Variants in ICA1 observed in about 807,000 individuals in gnomAD.
The protein encoded by ICA1 is islet cell autoantigen 1.
Under a neutral mutation model 71.0 loss-of-function variants are expected in ICA1, and 40 were observed. The ratio of observed to expected loss-of-function variants is 0.56; its 90% CI spans 0.44 to 0.73. ICA1 has a LOEUF of 0.73. ICA1 is among the 30% of genes least tolerant of loss of function. The probability of loss-of-function intolerance (pLI) is 0.00; values close to 1 mark genes in which losing one functional copy is unlikely to be tolerated. For missense variants in ICA1, 578 were observed against 576.5 expected (o/e 1.00, Z -0.03); for synonymous variants, 207 against 209.5 (o/e 0.99, Z 0.10).
Position 8,218,301 on chromosome 7 carries a change from C to A in ICA1, c.579+4G>T. 1.9e-6 allele frequency: 3 copies of A among 1,614,000 alleles called. No individual in the cohort carries two copies. The highest frequency in any genetic ancestry group is 2.5e-6 in the Non-Finnish European group (3 of 1,179,870). On this transcript the variant is annotated splice_donor_region_variant and intron_variant, in intron 6 of 13. Coordinates refer to ENST00000402384, the MANE Select transcript of ICA1 (RefSeq NM_001136020.3). ...CTTCTGCTAACCCTCATAAAACCTCCTACCTTCCTGAACTTCTCCATTTGC... is the reference window on the plus strand; with the variant it reads ...CTTCTGCTAACCCTCATAAAACCTCATACCTTCCTGAACTTCTCCATTTGC...
chr7:8,118,996 A>T (rs11505356), intron 13 of ICA1, among the ~76,000 whole-genome samples: 1 of 152,194 alleles, frequency 6.6e-6, no homozygotes, highest in African/African-American at 2.4e-5. Context: ...TGTAAGTAAA[A>T]GTTTGGGAAG....
At chr7:8,120,010 T>A (rs890937872) in intron 13 of ICA1, among the ~76,000 whole-genome samples, 1 of 152,190 alleles carries the variant, frequency 6.6e-6, no homozygotes, top group Non-Finnish European at 1.5e-5. Flanking sequence ...AAAACACTCA[T>A]GAACCATACA....
intron 6 of ICA1, among the ~76,000 whole-genome samples, chr7:8,187,770 A>T (rs1784349990): frequency 6.6e-6 from 1 of 152,084 alleles, no homozygotes; most frequent in South Asian, 2.1e-4. Flanking sequence ...TCACTTTTTA[A>T]ACTTCTTTGT....
At chr7:8,118,046 T>C (rs1290199301) in intron 13 of ICA1, among the ~76,000 whole-genome samples, 2 of 152,208 alleles carry the variant, frequency 1.3e-5, no homozygotes, top group Non-Finnish European at 2.9e-5. Flanking sequence ...TATATGACTA[T>C]TGCATTAACA....
intron 6 of ICA1, among the ~76,000 whole-genome samples, chr7:8,193,231 G>A (rs7778120): frequency 8.3e-4 from 126 of 152,286 alleles, no homozygotes; most frequent in African/African-American, 3.0e-3. Context: ...AGCTACATTA[G>A]TTTACATATA....
At chr7:8,218,815 G>A (rs1796176879) in intron 5 of ICA1, 1 of 411,784 alleles carries the variant, frequency 2.4e-6, no homozygotes, top group Admixed American at 3.7e-5. Context: ...GGCCAATCCC[G>A]TGTTCATGGA....
At chr7:8,133,763 T>G (rs1460778038) in intron 12 of ICA1, among the ~76,000 whole-genome samples, 1 of 151,998 alleles carries the variant, frequency 6.6e-6, no homozygotes, top group Non-Finnish European at 1.5e-5. Flanking sequence ...AAGCCTTCAT[T>G]CAATTTGGCA....
chr7:8,172,669 T>A (rs1459782560), intron 6 of ICA1, among the ~76,000 whole-genome samples: 2 of 152,216 alleles, frequency 1.3e-5, no homozygotes, highest in East Asian at 3.8e-4. Context: ...TTTTTCTAAG[T>A]TGCTTATAAA....
intron 6 of ICA1, among the ~76,000 whole-genome samples, chr7:8,203,136 C>T (rs1021610439): frequency 9.2e-5 from 14 of 152,106 alleles, no homozygotes; most frequent in Admixed American, 3.3e-4. Context: ...GAAGAGATTT[C>T]GTTAGAAAGG....
chr7:8,154,387 C>A (rs1026478248), intron 8 of ICA1, among the ~76,000 whole-genome samples: 1 of 152,182 alleles, frequency 6.6e-6, no homozygotes, highest in African/African-American at 2.4e-5. Context: ...GTGTTTAACA[C>A]ATTAATTATC....
chr7:8,241,590 A>C (rs1369798899), intron 1 of ICA1, among the ~76,000 whole-genome samples: 4 of 152,144 alleles, frequency 2.6e-5, no homozygotes, highest in Admixed American at 6.5e-5. Flanking sequence ...TAAATGGGCT[A>C]AATGCCCCAA....
intron 2 of ICA1, 139 bp from the exon 3 acceptor site, chr7:8,232,894 A>G: frequency 1.4e-6 from 1 of 690,400 alleles, no homozygotes; most frequent in Non-Finnish European, 2.2e-6. Context: ...GCACTTTCTT[A>G]TCTGGGTGTT....
At chr7:8,169,373 A>C (rs1807417552) in intron 6 of ICA1, among the ~76,000 whole-genome samples, 1 of 152,084 alleles carries the variant, frequency 6.6e-6, no homozygotes, top group Non-Finnish European at 1.5e-5. Flanking sequence ...TCTTTGGTAA[A>C]TGTCTAAGGG....
intron 13 of ICA1, 47 bp from the exon 14 acceptor site, chr7:8,114,091 C>G: frequency 6.2e-7 from 1 of 1,611,746 alleles, no homozygotes; most frequent in Non-Finnish European, 8.5e-7. Flanking sequence ...TCCAAATGTC[C>G]ACCTCTGCCA....
At chr7:8,238,833 T>G (rs1475718711) in intron 1 of ICA1, among the ~76,000 whole-genome samples, 1 of 152,186 alleles carries the variant, frequency 6.6e-6, no homozygotes. Context: ...TAACAGCCAC[T>G]TGCATTGAAA....
At chr7:8,212,107 T>G (rs1326832412) in intron 6 of ICA1, among the ~76,000 whole-genome samples, 4 of 152,140 alleles carry the variant, frequency 2.6e-5, no homozygotes, top group Non-Finnish European at 5.9e-5. Context: ...ACATTCTTAT[T>G]TTTTTCCAGA....
At chr7:8,204,066 A>AC (rs1361848468) in intron 6 of ICA1, among the ~76,000 whole-genome samples, 1 of 138,186 alleles carries the variant, frequency 7.2e-6, no homozygotes, top group African/African-American at 3.2e-5. Flanking sequence ...ATTGGTGAGA[A>AC]GGAAAAAAAA....
chr7:8,240,836 G>A (rs958984461), intron 1 of ICA1, among the ~76,000 whole-genome samples: 7 of 152,114 alleles, frequency 4.6e-5, no homozygotes, highest in Non-Finnish European at 8.8e-5. Context: ...TCAAATTAAC[G>A]AAATAAAGCG....
At chr7:8,218,526 A>G (rs772918391) in intron 5 of ICA1, 23 bp from the exon 6 acceptor site, 2 of 1,601,874 alleles carry the variant, frequency 1.2e-6, no homozygotes, top group Non-Finnish European at 1.7e-6. Flanking sequence ...ACAAAGCCAC[A>G]CTCTCAAAAC....
Sources: gnomAD v4.1 joint callset for allele counts (sites outside exome capture counted in the v4.1 genomes callset) on GRCh38, gnomAD v4.1.1 for gene constraint, MANE v1.5 for transcripts, NCBI Gene and HGNC (gene_info 2026-07-23, HGNC 2026-07-21) for gene names.